MRPL1: variants seen among roughly 807,000 people sequenced by gnomAD.
MRPL1 encodes the protein mitochondrial ribosomal protein L1, also known as large ribosomal subunit protein uL1m.
A neutral mutation model predicts 38.0 loss-of-function variants in MRPL1; 28 were observed. The ratio of observed to expected loss-of-function variants is 0.74; its 90% confidence interval spans 0.55 to 1.01. The LOEUF (loss-of-function observed/expected upper bound fraction) is 1.01. MRPL1 is among the 50% of genes least tolerant of loss of function. The probability of loss-of-function intolerance (pLI) is 0.00; values close to 1 mark genes in which losing one functional copy is unlikely to be tolerated. For synonymous variants in MRPL1, 123 were observed against 126.7 expected, an observed-to-expected ratio of 0.97 and a Z score of 0.20; for missense variants, 358 against 389.8, an observed-to-expected ratio of 0.92 and a Z score of 0.69.
chr4:77,885,808 A>G (rs1213741482), intron 4 of MRPL1, among the ~76,000 whole-genome samples: 1 of 152,188 alleles, frequency 6.6e-6, no homozygotes, highest in Non-Finnish European at 1.5e-5. Flanking sequence ...CATTTAGATG[A>G]TTTATTTGAG....
chr4:77,907,092 C>T, intron 6 of MRPL1: 3 of 985,374 alleles, frequency 3.0e-6, no homozygotes, highest in Non-Finnish European at 3.6e-6. Context: ...ATTGATTCAT[C>T]TATGGAAGAC....
At chr4:77,886,276 T>C (rs1271331365) in intron 4 of MRPL1, among the ~76,000 whole-genome samples, 1 of 152,176 alleles carries the variant, frequency 6.6e-6, no homozygotes, top group Non-Finnish European at 1.5e-5. Flanking sequence ...GAAGCGATTC[T>C]CCTGCCTCAG....
At chr4:77,876,901 A>C (rs367632319) in intron 2 of MRPL1, among the ~76,000 whole-genome samples, 2 of 151,050 alleles carry the variant, frequency 1.3e-5, no homozygotes, top group South Asian at 2.1e-4. Flanking sequence ...ACTCTTCTTT[A>C]TTTATTTATT....
intron 7 of MRPL1, among the ~76,000 whole-genome samples, chr4:77,914,611 T>A (rs1448908117): frequency 6.6e-6 from 1 of 152,178 alleles, no homozygotes; most frequent in South Asian, 2.1e-4. Context: ...AATTATCTTA[T>A]AGTTAAAAAT....
At chr4:77,898,376 C>T (rs963397996) in intron 6 of MRPL1, among the ~76,000 whole-genome samples, 2 of 145,848 alleles carry the variant, frequency 1.4e-5, no homozygotes, top group Non-Finnish European at 3.0e-5. Flanking sequence ...GAAAATAGTA[C>T]GTACTCTACA....
intron 1 of MRPL1, among the ~76,000 whole-genome samples, chr4:77,863,180 G>A (rs531227295): frequency 6.6e-6 from 1 of 152,258 alleles, no homozygotes; most frequent in South Asian, 2.1e-4. Context: ...TGGGCTGCGG[G>A]TAGTGGAGTG....
chr4:77,918,438 T>C (rs1180071503), intron 7 of MRPL1, among the ~76,000 whole-genome samples: 2 of 152,164 alleles, frequency 1.3e-5, no homozygotes, highest in Admixed American at 6.5e-5. Flanking sequence ...TTTTTTTCTA[T>C]GTGGTTGAAG....
chr4:77,904,244 T>TA (rs879260489), intron 6 of MRPL1, among the ~76,000 whole-genome samples: 224 of 139,256 alleles, frequency 1.6e-3, no homozygotes, highest in African/African-American at 2.1e-3. Context: ...GACTGTGTCT[T>TA]AAAAAAAAAA....
At chr4:77,883,121 G>C (rs1735582170) in intron 2 of MRPL1, 121 bp from the exon 3 acceptor site, 2 of 657,458 alleles carry the variant, frequency 3.0e-6, no homozygotes, top group African/African-American at 1.9e-5. Flanking sequence ...AGCAGTCTAT[G>C]CTTTTGAATT....
chr4:77,866,893 G>A (rs1444361953), intron 1 of MRPL1, among the ~76,000 whole-genome samples: 2 of 151,808 alleles, frequency 1.3e-5, no homozygotes, highest in African/African-American at 4.8e-5. Flanking sequence ...GATTACAGGC[G>A]CCTGTCACAA....
At chr4:77,893,455 A>C (rs1324242947) in intron 5 of MRPL1, among the ~76,000 whole-genome samples, 1 of 152,134 alleles carries the variant, frequency 6.6e-6, no homozygotes, top group African/African-American at 2.4e-5. Context: ...GTAGAGTTTA[A>C]GTGGAGTATA....
chr4:77,946,005 A>T (rs6533358), intron 7 of MRPL1, among the ~76,000 whole-genome samples: 1 of 151,960 alleles, frequency 6.6e-6, no homozygotes, highest in Admixed American at 6.6e-5. Context: ...GCAGAGAACT[A>T]GTCTGACCTC....
rs1283009402 is a variant in MRPL1 at position 77,885,246 on chromosome 4, A to G, written c.403-10A>G. 6.3e-7 allele frequency: 1 copy of G among 1,596,782 alleles called. No individual in the cohort carries two copies. Among genetic ancestry groups the G allele is most frequent in the South Asian group, 1.1e-5 (1 of 90,702 alleles). Reference sequence around the variant, plus strand: ...CTTTACGTAATTATTTTTCCTTGTCATGTGTTTAGAAAAACGTGGAGCCAT... The same window carrying G: ...CTTTACGTAATTATTTTTCCTTGTCGTGTGTTTAGAAAAACGTGGAGCCAT... On this transcript the variant is annotated splice_polypyrimidine_tract_variant and intron_variant, in intron 3 of 8. Coordinates refer to ENST00000315567, the MANE Select transcript of MRPL1 (RefSeq NM_020236.4).
At chr4:77,922,699 G>A (rs979005804) in intron 7 of MRPL1, among the ~76,000 whole-genome samples, 20 of 152,340 alleles carry the variant, frequency 1.3e-4, no homozygotes, top group Middle Eastern at 3.4e-3. Flanking sequence ...GTGATAGAAA[G>A]TGAAGAGAGC....
chr4:77,864,216 A>G (rs564671118), intron 1 of MRPL1, among the ~76,000 whole-genome samples: 1 of 152,264 alleles, frequency 6.6e-6, no homozygotes, highest in South Asian at 2.1e-4. Context: ...AAAATACCTG[A>G]ATATTATAAT....
At chr4:77,931,176 C>T (rs1450282437) in intron 7 of MRPL1, among the ~76,000 whole-genome samples, 3 of 152,198 alleles carry the variant, frequency 2.0e-5, no homozygotes, top group South Asian at 2.1e-4. Context: ...AAAAGGCAAG[C>T]CTTTGGAGTT....
At chr4:77,885,588 A>G (rs1735659582) in intron 4 of MRPL1, among the ~76,000 whole-genome samples, 1 of 151,980 alleles carries the variant, frequency 6.6e-6, no homozygotes, top group African/African-American at 2.4e-5. Flanking sequence ...GGTAGTCTTG[A>G]TCTCTTGACC....
At chr4:77,934,359 GATAA>G (rs1245359299) in intron 7 of MRPL1, among the ~76,000 whole-genome samples, 1 of 152,006 alleles carries the variant, frequency 6.6e-6, no homozygotes, top group Non-Finnish European at 1.5e-5. Context: ...ATAATAGAAA[GATAA>G]ATAACTCAAT....
chr4:77,929,730 A>G (rs183422202), intron 7 of MRPL1, among the ~76,000 whole-genome samples: 117 of 151,574 alleles, frequency 7.7e-4, no homozygotes, highest in African/African-American at 2.5e-3. Context: ...CTGTTTTTGT[A>G]TGGCCTGTGA....
Sources: gnomAD v4.1 joint callset for allele counts (sites outside exome capture counted in the v4.1 genomes callset) on GRCh38, gnomAD v4.1.1 for gene constraint, MANE v1.5 for transcripts, NCBI Gene and HGNC (gene_info 2026-07-23, HGNC 2026-07-21) for gene names.